The following ZNF333 variants were observed in gnomAD, a reference collection of about 807,000 sequenced individuals.
ZNF333 encodes zinc finger protein 333.
ZNF333 carries 61 observed loss-of-function variants against 76.1 expected under a neutral mutation model. The observed-to-expected ratio is 0.80, with a 90% CI of 0.65 to 0.99. The LOEUF is 0.99. Among genes scored for constraint, ZNF333 ranks in the 50% least tolerant of loss-of-function variants. ZNF333 has a pLI of 0.00. For synonymous variants in ZNF333, 284 were observed against 305.0 expected, an observed-to-expected ratio of 0.93 and a Z score of 0.72; for missense variants, 717 against 822.4, an observed-to-expected ratio of 0.87 and a Z score of 1.57.
At chr19:14,716,961 C>G (rs1377379388) in intron 9 of ZNF333, 33 bp from the exon 10 acceptor site, 2 of 1,581,640 alleles carry the variant, frequency 1.3e-6, no homozygotes, top group African/African-American at 2.7e-5. Context: ...TGGCACAGTC[C>G]TCGCACAACA....
At chr19:14,727,114 G>A (rs1032507200) in intron 11 of ZNF333, among the ~76,000 whole-genome samples, 2 of 130,590 alleles carry the variant, frequency 1.5e-5, no homozygotes, top group African/African-American at 2.9e-5. Flanking sequence ...TACAAGCTCC[G>A]CCTCCTGGGT....
chr19:14,717,560 A>G (rs1229460353), intron 10 of ZNF333, 97 bp from the exon 11 acceptor site: 2 of 1,061,738 alleles, frequency 1.9e-6, no homozygotes, highest in Non-Finnish European at 2.9e-6. Flanking sequence ...TATTTGGGAA[A>G]AAAAGTCCAC....
chr19:14,729,369 T>G (rs527902949), intron 11 of ZNF333, among the ~76,000 whole-genome samples: 69 of 152,140 alleles, frequency 4.5e-4, no homozygotes, highest in Non-Finnish European at 8.8e-4. Flanking sequence ...ACTTTTTTTT[T>G]TTGTTTTTTG....
Position 14,718,743 on chromosome 19 carries a change from C to T in ZNF333, c.1416C>T (p.His472=). The T allele has an allele frequency of 6.2e-7, 1 of 1,614,082 alleles. No homozygotes were observed. Reference sequence around the variant, plus strand: ...CCCTCAGGAGCCACGTGAGAACTCACACTGGAGAGAAGCCCTTTGAATGCA... The same window carrying T: ...CCCTCAGGAGCCACGTGAGAACTCATACTGGAGAGAAGCCCTTTGAATGCA... ...PSSLRSHVRT[H]TGEKPFECSQ... is the part of the protein sequence containing the mutation. The change falls in exon 12 of 12, where the codon CAC becomes CAT. Residue 472 remains histidine, a synonymous_variant. Coordinates refer to ENST00000292530, the MANE Select transcript of ZNF333 (RefSeq NM_032433.4).
intron 8 of ZNF333, 121 bp downstream of exon 8, chr19:14,715,591 C>G (rs2042407704): frequency 5.6e-6 from 5 of 898,962 alleles, no homozygotes; most frequent in Non-Finnish European, 8.6e-6. Flanking sequence ...AGGGACTGGG[C>G]CTCTTGCAGT....
intron 11 of ZNF333, chr19:14,731,156 C>T (rs1168328946): frequency 6.5e-7 from 1 of 1,533,688 alleles, no homozygotes; most frequent in East Asian, 2.4e-5. Context: ...ATTCTTCCTC[C>T]TTATAATTCC....
intron 7 of ZNF333, among the ~76,000 whole-genome samples, chr19:14,709,705 C>A (rs1210065579): frequency 1.3e-5 from 2 of 152,224 alleles, no homozygotes; most frequent in African/African-American, 4.8e-5. Context: ...AGCTCTCTCG[C>A]CCATGTGAGG....
chr19:14,711,246 G>T (rs2146997510), intron 7 of ZNF333, among the ~76,000 whole-genome samples: 1 of 152,284 alleles, frequency 6.6e-6, no homozygotes, highest in South Asian at 2.1e-4. Context: ...TAAGTGGAGC[G>T]AGTTTCTCTT....
At chr19:14,724,295 C>G (rs924990382), downstream of ZNF333, among the ~76,000 whole-genome samples, 4 of 152,174 alleles carry the variant, frequency 2.6e-5, no homozygotes, top group African/African-American at 9.7e-5. Context: ...TGCCTTCAAA[C>G]CTAGCACAGT....
chr19:14,725,946 T>G (rs1207906505), downstream of ZNF333, among the ~76,000 whole-genome samples: 2 of 152,132 alleles, frequency 1.3e-5, no homozygotes, highest in Non-Finnish European at 2.9e-5. Flanking sequence ...GGGATTCTTG[T>G]GGGGGTACGG....
intron 4 of ZNF333, among the ~76,000 whole-genome samples, chr19:14,697,767 T>C (rs1973327298): frequency 6.6e-6 from 1 of 152,214 alleles, no homozygotes; most frequent in Non-Finnish European, 1.5e-5. Context: ...CTTGAGCAAC[T>C]GTCGTACCAC....
rs1444343042 is a variant in ZNF333, at chr19:14,717,021, T to C, written c.755T>C (p.Leu252Ser). The C allele has an allele frequency of 6.2e-7, 1 of 1,612,364 alleles. No homozygotes were observed. The highest frequency in any genetic ancestry group is 2.2e-5 in the East Asian group (1 of 44,870). ...GATCAACTGTGCAAACCCAATGCGT[T>C]GTCTTATTTGGAAGAAAGAGGAGAG... ...VADQLCKPNA[L>S]SYLEERGEQW... The change falls in exon 10 of 12, where the codon TTG becomes TCG. Residue 252 changes from leucine (L) to serine (S), a missense_variant. Leu to Ser is a moderately radical substitution (Grantham distance 145). Coordinates refer to ENST00000292530, the MANE Select transcript of ZNF333 (RefSeq NM_032433.4).
At chr19:14,692,497 G>T (rs1298725757) in intron 1 of ZNF333, among the ~76,000 whole-genome samples, 1 of 148,314 alleles carries the variant, frequency 6.7e-6, no homozygotes, top group African/African-American at 2.5e-5. Flanking sequence ...ATCATGGTTA[G>T]CATTGGATCT....
intron 6 of ZNF333, chr19:14,705,960 G>A (rs1436421263): frequency 1.0e-5 from 4 of 386,452 alleles, no homozygotes; most frequent in African/African-American, 6.2e-5. Flanking sequence ...CCCTGCATGA[G>A]GAGAAAAGGC....
intron 9 of ZNF333, 80 bp from the exon 10 acceptor site, chr19:14,716,914 C>CT: frequency 7.4e-7 from 1 of 1,348,372 alleles, no homozygotes; most frequent in South Asian, 1.3e-5. Context: ...TCTAGAGCCC[C>CT]TAAAGACTTG....
downstream of ZNF333, among the ~76,000 whole-genome samples, chr19:14,722,495 A>G (rs886224722): frequency 3.3e-5 from 5 of 152,198 alleles, no homozygotes; most frequent in Non-Finnish European, 7.3e-5. Flanking sequence ...TTCTTTATAT[A>G]TTCTGAATAT....
At chr19:14,715,868 C>T (rs1400127669) in intron 8 of ZNF333, among the ~76,000 whole-genome samples, 1 of 152,180 alleles carries the variant, frequency 6.6e-6, no homozygotes, top group Non-Finnish European at 1.5e-5. Flanking sequence ...AAGTCCTGTC[C>T]AGAGGTCGAG....
intron 7 of ZNF333, chr19:14,707,076 A>G: frequency 3.2e-6 from 1 of 309,274 alleles, no homozygotes; most frequent in Non-Finnish European, 5.9e-6. Flanking sequence ...GATTGAATTT[A>G]CTAGAAATGG....
chr19:14,719,098 G>A lies in ZNF333; in HGVS notation c.1771G>A (p.Ala591Thr). The A allele has an allele frequency of 4.3e-6, 7 of 1,614,174 alleles. No homozygotes were observed. Among genetic ancestry groups the A allele is most frequent in the Non-Finnish European group, 5.9e-6 (7 of 1,180,018 alleles). ...ARTHSGKKPYACQECGRAFGQ... is the reference protein window; with the variant it reads ...ARTHSGKKPYTCQECGRAFGQ... The stretch of plus-strand genomic sequence containing the variant: ...GACTCACAGTGGCAAGAAGCCCTAT[G>A]CATGCCAGGAATGCGGGCGAGCCTT... Residue 591 changes from alanine (A) to threonine (T), a missense_variant, in exon 12 of 12, where the codon GCA becomes ACA. Ala to Thr is a moderately conservative substitution (Grantham distance 58). Coordinates refer to ENST00000292530, the MANE Select transcript of ZNF333 (RefSeq NM_032433.4).
Sources: allele counts gnomAD v4.1 joint callset (sites outside exome capture counted in the v4.1 genomes callset), GRCh38; gene constraint gnomAD v4.1.1; transcripts MANE v1.5; gene names NCBI Gene and HGNC (gene_info 2026-07-23, HGNC 2026-07-21).